The following IGF2BP2 variants were observed in gnomAD, a reference collection of about 807,000 sequenced individuals.
IGF2BP2 encodes the protein insulin like growth factor 2 mRNA binding protein 2.
Under a neutral mutation model 75.8 loss-of-function variants are expected in IGF2BP2, and 17 were observed. The ratio of observed to expected loss-of-function variants is 0.22; its 90% CI spans 0.15 to 0.34. IGF2BP2 has a LOEUF of 0.34. IGF2BP2 is among the 10% of genes least tolerant of loss of function. The probability of loss-of-function intolerance (pLI) is 1.00; values close to 1 mark genes in which losing one functional copy is unlikely to be tolerated. For missense variants in IGF2BP2, 516 were observed against 772.4 expected (o/e 0.67, Z 3.93); for synonymous variants, 288 against 295.6 (o/e 0.97, Z 0.26).
At chr3:185,756,253 C>T (rs1201505956) in intron 2 of IGF2BP2, among the ~76,000 whole-genome samples, 2 of 152,166 alleles carry the variant, frequency 1.3e-5, no homozygotes, top group South Asian at 2.1e-4. Flanking sequence ...CACCTTCTGC[C>T]ATCATTGGAA....
At chr3:185,811,556 C>T (rs892899537) in intron 2 of IGF2BP2, among the ~76,000 whole-genome samples, 1 of 152,158 alleles carries the variant, frequency 6.6e-6, no homozygotes, top group Non-Finnish European at 1.5e-5. Flanking sequence ...CTGACTTCCA[C>T]CTCCTCTTGA....
rs541177075 is a variant in IGF2BP2 at position 185,755,695 on chromosome 3, A to G, written c.240-57348T>C. ...GATTACATTGGAGCTGTAAGATTTA[A>G]TGCCTGCTCTACTGGGTTTCAGACT... On this transcript the variant is annotated intron_variant, in intron 2 of 15. Coordinates refer to ENST00000382199, the MANE Select transcript of IGF2BP2 (RefSeq NM_006548.6). Among the ~76,000 whole-genome samples, 234 of 152,356 alleles carry G rather than the reference A, an allele frequency of 1.5e-3. 1 individual carries two copies. Among genetic ancestry groups the G allele is most frequent in the Non-Finnish European group, 2.6e-3 (175 of 68,038 alleles).
chr3:185,802,427 T>C (rs1439669310), intron 2 of IGF2BP2, among the ~76,000 whole-genome samples: 1 of 152,042 alleles, frequency 6.6e-6, no homozygotes, highest in Admixed American at 6.6e-5. Context: ...TAACAGAAGA[T>C]TCCTCAGAGC....
At chr3:185,658,314 G>A (rs1479880903) in intron 11 of IGF2BP2, 27 bp downstream of exon 11, 2 of 1,606,476 alleles carry the variant, frequency 1.2e-6, no homozygotes, top group Non-Finnish European at 1.7e-6. Flanking sequence ...GAAGTGGCAG[G>A]TGCGGCTGAA....
intron 8 of IGF2BP2, 150 bp from the exon 9 acceptor site, chr3:185,675,581 T>G (rs1719210731): frequency 9.0e-7 from 1 of 1,112,502 alleles, no homozygotes; most frequent in African/African-American, 1.6e-5. Context: ...TGCCATCTTA[T>G]TTCAAATCTT....
At chr3:185,660,442 C>G (rs1716237924) in intron 10 of IGF2BP2, among the ~76,000 whole-genome samples, 1 of 152,164 alleles carries the variant, frequency 6.6e-6, no homozygotes, top group Non-Finnish European at 1.5e-5. Flanking sequence ...AACCGTTGCC[C>G]TTTTTGAGCT....
At chr3:185,738,495 G>A (rs1171666372) in intron 2 of IGF2BP2, among the ~76,000 whole-genome samples, 1 of 152,182 alleles carries the variant, frequency 6.6e-6, no homozygotes, top group Non-Finnish European at 1.5e-5. Context: ...TCCGAGCTGG[G>A]TTTTGAAGGA....
chr3:185,739,699 G>A (rs1729289896), intron 2 of IGF2BP2, among the ~76,000 whole-genome samples: 1 of 152,144 alleles, frequency 6.6e-6, no homozygotes, highest in South Asian at 2.1e-4. Context: ...GCCCCACAAT[G>A]CAACCCAGAT....
At chr3:185,736,491 G>A (rs1244176135) in intron 2 of IGF2BP2, among the ~76,000 whole-genome samples, 1 of 152,134 alleles carries the variant, frequency 6.6e-6, no homozygotes, top group Non-Finnish European at 1.5e-5. Flanking sequence ...CCCTTCTTGG[G>A]GACATGGCTT....
At chr3:185,660,185 T>G (rs1371003572) in intron 10 of IGF2BP2, among the ~76,000 whole-genome samples, 1 of 152,228 alleles carries the variant, frequency 6.6e-6, no homozygotes, top group East Asian at 1.9e-4. Context: ...CTGACATTGC[T>G]GTTCCAGGAA....
intron 7 of IGF2BP2, 110 bp from the exon 8 acceptor site, chr3:185,676,023 C>G: frequency 7.2e-7 from 1 of 1,395,868 alleles, no homozygotes; most frequent in Non-Finnish European, 9.7e-7. Context: ...GTTCAGGTAC[C>G]AAGTGATGAT....
At chr3:185,762,144 T>G (rs2077782840) in intron 2 of IGF2BP2, among the ~76,000 whole-genome samples, 1 of 151,946 alleles carries the variant, frequency 6.6e-6, no homozygotes, top group Non-Finnish European at 1.5e-5. Flanking sequence ...TCCCAGCACT[T>G]TGGGAGGCCG....
intron 7 of IGF2BP2, among the ~76,000 whole-genome samples, chr3:185,681,419 C>A (rs2149274382): frequency 6.6e-6 from 1 of 152,200 alleles, no homozygotes; most frequent in South Asian, 2.1e-4. Context: ...ACAAAAGGTT[C>A]CTGAAAGAAA....
intron 2 of IGF2BP2, among the ~76,000 whole-genome samples, chr3:185,817,076 A>G (rs1740712255): frequency 6.6e-6 from 1 of 152,130 alleles, no homozygotes; most frequent in African/African-American, 2.4e-5. Context: ...ATACATCAGA[A>G]CTCTTAATTT....
At chr3:185,772,177 T>C (rs1733964171) in intron 2 of IGF2BP2, among the ~76,000 whole-genome samples, 1 of 152,204 alleles carries the variant, frequency 6.6e-6, no homozygotes, top group African/African-American at 2.4e-5. Flanking sequence ...TTGTTCACTG[T>C]TCTAGCTCAA....
intron 2 of IGF2BP2, chr3:185,716,443 G>A: frequency 1.9e-6 from 1 of 513,058 alleles, no homozygotes; most frequent in Non-Finnish European, 3.9e-6. Flanking sequence ...ATATTCAGCA[G>A]AAACAAAGAA....
chr3:185,805,423 T>C (rs907210622), intron 2 of IGF2BP2, among the ~76,000 whole-genome samples: 1 of 152,170 alleles, frequency 6.6e-6, no homozygotes, highest in Non-Finnish European at 1.5e-5. Context: ...GGTGCTGTTC[T>C]TGACTTCAAA....
At chr3:185,795,461 G>A (rs1737237517) in intron 2 of IGF2BP2, among the ~76,000 whole-genome samples, 1 of 152,188 alleles carries the variant, frequency 6.6e-6, no homozygotes, top group African/African-American at 2.4e-5. Flanking sequence ...TCTAGTCCCT[G>A]CTTTCAATTC....
At chr3:185,811,587 T>C (rs966899606) in intron 2 of IGF2BP2, among the ~76,000 whole-genome samples, 5 of 152,194 alleles carry the variant, frequency 3.3e-5, no homozygotes, top group Admixed American at 1.3e-4. Context: ...TTGGGAACAC[T>C]GGCCCTACAT....
Sources: gnomAD v4.1 joint callset for allele counts (sites outside exome capture counted in the v4.1 genomes callset) on GRCh38, gnomAD v4.1.1 for gene constraint, MANE v1.5 for transcripts, NCBI Gene and HGNC (gene_info 2026-07-23, HGNC 2026-07-21) for gene names.